The following RBMS3 variants were observed in gnomAD, a reference collection of about 807,000 sequenced individuals.
RBMS3 encodes the protein RNA-binding motif, single-stranded-interacting protein 3.
A neutral mutation model predicts 66.8 loss-of-function variants in RBMS3; 27 were observed. The observed-to-expected ratio is 0.40, with a 90% CI of 0.30 to 0.56. RBMS3 has a LOEUF of 0.56. Ranked by LOEUF, RBMS3 falls within the 20% of genes least tolerant of loss-of-function variation. The pLI is 0.40. For missense variants in RBMS3, 513 were observed against 549.5 expected (o/e 0.93, Z 0.66); for synonymous variants, 188 against 183.0 (o/e 1.03, Z -0.22).
intron 1 of RBMS3, among the ~76,000 whole-genome samples, chr3:29,405,263 T>C (rs2039967264): frequency 6.6e-6 from 1 of 152,168 alleles, no homozygotes; most frequent in Non-Finnish European, 1.5e-5. Context: ...AGAAGACAGA[T>C]CCTGCATATC....
At chr3:29,392,564 T>C (rs1309435536) in intron 1 of RBMS3, among the ~76,000 whole-genome samples, 3 of 152,234 alleles carry the variant, frequency 2.0e-5, no homozygotes, top group Non-Finnish European at 4.4e-5. Flanking sequence ...ATTTAGTACT[T>C]ATTATAATTT....
intron 1 of RBMS3, among the ~76,000 whole-genome samples, chr3:29,392,836 G>C (rs1301712070): frequency 1.3e-5 from 2 of 151,738 alleles, no homozygotes; most frequent in East Asian, 1.9e-4. Flanking sequence ...CAGGTGAAAA[G>C]AGATCATGCC....
chr3:29,737,226 C>T (rs1052559662), intron 4 of RBMS3, among the ~76,000 whole-genome samples: 1 of 152,152 alleles, frequency 6.6e-6, no homozygotes, highest in African/African-American at 2.4e-5. Flanking sequence ...CCACCCGCCT[C>T]GGCCTCCCAA....
intron 3 of RBMS3, among the ~76,000 whole-genome samples, chr3:29,509,910 C>T (rs906858465): frequency 2.0e-5 from 3 of 152,128 alleles, no homozygotes; most frequent in African/African-American, 7.2e-5. Flanking sequence ...AGTAGTTGTC[C>T]AATGCATGTC....
At chr3:29,757,091 C>A (rs1296743082) in intron 5 of RBMS3, among the ~76,000 whole-genome samples, 2 of 152,156 alleles carry the variant, frequency 1.3e-5, no homozygotes, top group East Asian at 1.9e-4. Flanking sequence ...AAAGTTCCAA[C>A]CCACTAATCA....
intron 10 of RBMS3, among the ~76,000 whole-genome samples, chr3:29,901,291 CA>C (rs751535239): frequency 3.8e-4 from 57 of 151,892 alleles, no homozygotes; most frequent in Middle Eastern, 6.8e-3. Context: ...GCCAAGTTCT[CA>C]AAAGGAGACT....
At chr3:29,412,475 A>G (rs1460756841) in intron 1 of RBMS3, among the ~76,000 whole-genome samples, 2 of 152,208 alleles carry the variant, frequency 1.3e-5, no homozygotes, top group Non-Finnish European at 2.9e-5. Context: ...ATGTTTTCAT[A>G]GATACATAAG....
chr3:29,881,627 T>C (rs1274890557), intron 7 of RBMS3, among the ~76,000 whole-genome samples: 2 of 152,132 alleles, frequency 1.3e-5, no homozygotes, highest in African/African-American at 4.8e-5. Context: ...GGGTTTAAGA[T>C]GAAGAAGGAG....
intron 1 of RBMS3, among the ~76,000 whole-genome samples, chr3:29,301,033 T>A (rs536826502): frequency 1.1e-4 from 16 of 152,078 alleles, no homozygotes; most frequent in Admixed American, 1.0e-3. Flanking sequence ...ATGGAGTCTG[T>A]GATGACTCTA....
At chr3:29,865,404 G>A (rs976835288) in intron 6 of RBMS3, among the ~76,000 whole-genome samples, 10 of 152,040 alleles carry the variant, frequency 6.6e-5, no homozygotes, top group East Asian at 1.9e-4. Context: ...ACCCAAAGAC[G>A]TATAAAAGGT....
intron 4 of RBMS3, among the ~76,000 whole-genome samples, chr3:29,736,927 G>A (rs918300051): frequency 6.6e-6 from 1 of 152,030 alleles, no homozygotes; most frequent in Non-Finnish European, 1.5e-5. Flanking sequence ...TGTTTTTACA[G>A]TAACCTTCTA....
chr3:29,768,063 T>C (rs975459220), intron 6 of RBMS3, among the ~76,000 whole-genome samples: 8 of 152,032 alleles, frequency 5.3e-5, no homozygotes. Context: ...TTGTATAACA[T>C]GCTTTGTGAA....
At chr3:29,344,035 A>G (rs917948436) in intron 1 of RBMS3, among the ~76,000 whole-genome samples, 5 of 152,222 alleles carry the variant, frequency 3.3e-5, no homozygotes, top group African/African-American at 7.2e-5. Flanking sequence ...TGAAGCTGCC[A>G]TTTGGACTTA....
chr3:29,723,929 G>A (rs1385784418), intron 4 of RBMS3, among the ~76,000 whole-genome samples: 1 of 151,722 alleles, frequency 6.6e-6, no homozygotes, highest in Non-Finnish European at 1.5e-5. Flanking sequence ...ATACTCCCAG[G>A]GAAGTCTGAA....
chr3:29,403,402 A>G (rs745971736), intron 1 of RBMS3, among the ~76,000 whole-genome samples: 41 of 152,110 alleles, frequency 2.7e-4, no homozygotes, highest in South Asian at 8.3e-4. Flanking sequence ...AGGATGCAAT[A>G]TTGTGGAGTG....
At chr3:29,762,466 T>C (rs966370279) in intron 5 of RBMS3, among the ~76,000 whole-genome samples, 1 of 152,200 alleles carries the variant, frequency 6.6e-6, no homozygotes, top group Non-Finnish European at 1.5e-5. Context: ...GTTGCACAGA[T>C]GTCAGTTCAA....
At chr3:29,382,581 G>A (rs576550503) in intron 1 of RBMS3, among the ~76,000 whole-genome samples, 39 of 152,254 alleles carry the variant, frequency 2.6e-4, no homozygotes, top group South Asian at 2.3e-3. Flanking sequence ...TATGAGCACC[G>A]AAGCACTGCA....
chr3:29,648,409 A>G (rs959908088), intron 4 of RBMS3, among the ~76,000 whole-genome samples: 7 of 151,244 alleles, frequency 4.6e-5, no homozygotes, highest in African/African-American at 1.7e-4. Flanking sequence ...AGTAGCTGGG[A>G]CTACAGGTGT....
chr3:29,306,990 A>G (rs2034056866), intron 1 of RBMS3, among the ~76,000 whole-genome samples: 1 of 151,936 alleles, frequency 6.6e-6, no homozygotes, highest in Non-Finnish European at 1.5e-5. Context: ...CCACATTTAA[A>G]TTTATTCGTT....
Sources: allele counts gnomAD v4.1 joint callset (sites outside exome capture counted in the v4.1 genomes callset), GRCh38; gene constraint gnomAD v4.1.1; transcripts MANE v1.5; gene names NCBI Gene and HGNC (gene_info 2026-07-23, HGNC 2026-07-21).